The following CLSTN2 variants were observed in gnomAD, a reference collection of about 807,000 sequenced individuals.
The protein encoded by CLSTN2 is calsyntenin 2, also known as calsyntenin-2.
CLSTN2 carries 48 observed loss-of-function variants against 101.2 expected under a neutral mutation model. The ratio of observed to expected loss-of-function variants is 0.47; its 90% CI spans 0.38 to 0.60. The LOEUF is 0.60. Among genes scored for constraint, CLSTN2 ranks in the 20% least tolerant of loss-of-function variants. CLSTN2 has a pLI of 0.00. For synonymous variants in CLSTN2, 481 were observed against 463.6 expected, an observed-to-expected ratio of 1.04 and a Z score of -0.48; for missense variants, 1,160 against 1,238.2, an observed-to-expected ratio of 0.94 and a Z score of 0.95.
intron 2 of CLSTN2, among the ~76,000 whole-genome samples, chr3:140,329,847 G>C (rs1350613813): frequency 6.6e-6 from 1 of 152,188 alleles, no homozygotes; most frequent in African/African-American, 2.4e-5. Context: ...CATTAGGCCA[G>C]TCATAAAATA....
intron 2 of CLSTN2, among the ~76,000 whole-genome samples, chr3:140,269,252 G>T (rs527740175): frequency 6.6e-6 from 1 of 152,302 alleles, no homozygotes; most frequent in South Asian, 2.1e-4. Flanking sequence ...TTTTCTTTAA[G>T]AGGACATAGA....
intron 5 of CLSTN2, among the ~76,000 whole-genome samples, chr3:140,447,423 G>T (rs567231044): frequency 6.6e-6 from 1 of 152,180 alleles, no homozygotes; most frequent in East Asian, 1.9e-4. Flanking sequence ...CCTTGAGTCC[G>T]CTCTGACTTT....
At chr3:140,487,265 A>G (rs1296882906) in intron 8 of CLSTN2, among the ~76,000 whole-genome samples, 1 of 152,198 alleles carries the variant, frequency 6.6e-6, no homozygotes, top group South Asian at 2.1e-4. Context: ...CTCAGAAATT[A>G]TTGCTTATAT....
At chr3:140,511,269 T>C (rs936402898) in intron 8 of CLSTN2, among the ~76,000 whole-genome samples, 1 of 152,216 alleles carries the variant, frequency 6.6e-6, no homozygotes, top group Admixed American at 6.5e-5. Context: ...AGTCTATCAT[T>C]GATGGGCATT....
At chr3:140,351,197 TGA>T (rs2087601984) in intron 2 of CLSTN2, among the ~76,000 whole-genome samples, 1 of 152,140 alleles carries the variant, frequency 6.6e-6, no homozygotes, top group South Asian at 2.1e-4. Context: ...TGTTTGTGTG[TGA>T]GAGAGAGAGA....
At chr3:139,938,333 G>A (rs1935066108) in intron 1 of CLSTN2, among the ~76,000 whole-genome samples, 2 of 152,312 alleles carry the variant, frequency 1.3e-5, no homozygotes. Flanking sequence ...TGTGTAAGAT[G>A]TTGTGTCTGT....
intron 1 of CLSTN2, among the ~76,000 whole-genome samples, chr3:140,046,042 G>A (rs1238453338): frequency 2.6e-5 from 4 of 152,180 alleles, no homozygotes; most frequent in Non-Finnish European, 4.4e-5. Context: ...TCCGCTTGGT[G>A]CAGAGCTGCG....
chr3:139,985,271 C>T (rs1385551458), intron 1 of CLSTN2, among the ~76,000 whole-genome samples: 2 of 152,126 alleles, frequency 1.3e-5, no homozygotes, highest in South Asian at 2.1e-4. Flanking sequence ...TGCAAGTCTC[C>T]GAGTGGGGGT....
intron 1 of CLSTN2, among the ~76,000 whole-genome samples, chr3:139,953,265 C>G (rs554052283): frequency 6.6e-6 from 1 of 152,244 alleles, no homozygotes; most frequent in African/African-American, 2.4e-5. Flanking sequence ...CCACACAGAT[C>G]CTCTCCCCTA....
intron 7 of CLSTN2, among the ~76,000 whole-genome samples, chr3:140,465,329 A>C (rs1162209086): frequency 6.6e-6 from 1 of 152,210 alleles, no homozygotes; most frequent in Non-Finnish European, 1.5e-5. Context: ...TGGTATAATA[A>C]AACTTCCAGC....
Position 140,503,757 on chromosome 3 carries a change from G to C in CLSTN2, c.1345-28567G>C, listed in dbSNP as rs147152563. 2.1e-3 allele frequency among the ~76,000 whole-genome samples: 321 copies of C among 152,278 alleles called. 4 individuals are homozygous for C. The highest frequency in any genetic ancestry group is 2.4e-3 in the Non-Finnish European group (162 of 68,016). ...AAAGGAACAAAATTATTATCCAACA[G>C]TTAAAGACAGCAGAAAAAAGAATTT... is the stretch of plus-strand genomic sequence containing the variant. On this transcript the variant is annotated intron_variant, in intron 8 of 16. Transcript: ENST00000458420.
chr3:140,096,235 G>A (rs1199610585), intron 1 of CLSTN2, among the ~76,000 whole-genome samples: 1 of 152,120 alleles, frequency 6.6e-6, no homozygotes, highest in African/African-American at 2.4e-5. Flanking sequence ...AAACAGCAGA[G>A]GGCATAACTA....
At chr3:139,974,543 C>A (rs576380716) in intron 1 of CLSTN2, among the ~76,000 whole-genome samples, 1 of 152,194 alleles carries the variant, frequency 6.6e-6, no homozygotes, top group Non-Finnish European at 1.5e-5. Context: ...AGAAAAGCAA[C>A]GTTTCCAGGG....
In CLSTN2 at chr3:140,459,584, G is replaced by A; in HGVS notation, c.1037G>A (p.Gly346Glu). 6.2e-7 allele frequency: 1 copy of A among 1,614,002 alleles called. No homozygotes were observed. Among genetic ancestry groups the A allele is most frequent in the Non-Finnish European group, 8.5e-7 (1 of 1,179,902 alleles). Residue 346 changes from glycine (G) to glutamate (E), a missense_variant, in exon 7 of 17, where the codon GGA (glycine) becomes GAA (glutamate). Transcript: ENST00000458420. ...AGCGCTGCCACCAACTGGACTGCAG[G>A]ACTGCTGGTGGACAGCAGTGAGATG... ...SPSAATNWTA[G>E]LLVDSSEMIF...
intron 2 of CLSTN2, among the ~76,000 whole-genome samples, chr3:140,287,615 G>C (rs1255040125): frequency 6.6e-6 from 1 of 152,100 alleles, no homozygotes; most frequent in Non-Finnish European, 1.5e-5. Context: ...TAGGGAAGTT[G>C]AGAAAAAAAC....
intron 1 of CLSTN2, among the ~76,000 whole-genome samples, chr3:140,166,262 G>C (rs2010133030): frequency 6.6e-6 from 1 of 152,178 alleles, no homozygotes; most frequent in Non-Finnish European, 1.5e-5. Context: ...CCACCCATCA[G>C]TTACCCCAAG....
intron 2 of CLSTN2, among the ~76,000 whole-genome samples, chr3:140,202,035 A>G (rs951334178): frequency 6.6e-6 from 1 of 152,170 alleles, no homozygotes; most frequent in Non-Finnish European, 1.5e-5. Flanking sequence ...TGCCATTGCA[A>G]AGGTCTGGCT....
At chr3:140,384,498 A>G (rs1194115056) in intron 2 of CLSTN2, among the ~76,000 whole-genome samples, 1 of 152,192 alleles carries the variant, frequency 6.6e-6, no homozygotes, top group Admixed American at 6.5e-5. Context: ...AGCCAGTCAT[A>G]TCGAAGGTGC....
chr3:140,529,738 A>G (rs1445862554), intron 8 of CLSTN2, among the ~76,000 whole-genome samples: 1 of 152,220 alleles, frequency 6.6e-6, no homozygotes, highest in African/African-American at 2.4e-5. Flanking sequence ...ACGCCCAATT[A>G]GGAGCTCACT....
Sources: allele counts gnomAD v4.1 joint callset (sites outside exome capture counted in the v4.1 genomes callset), GRCh38; gene constraint gnomAD v4.1.1; transcripts MANE v1.5; gene names NCBI Gene and HGNC (gene_info 2026-07-23, HGNC 2026-07-21).